ANGEL1: variants seen among roughly 807,000 people sequenced by gnomAD.
ANGEL1 encodes RNA 2',3'-cyclic phosphatase ANGEL1.
In ANGEL1, 62 loss-of-function variants were observed where a neutral mutation model predicts 76.4. The observed-to-expected ratio is 0.81, with a 90% CI of 0.66 to 1.00. ANGEL1 has a LOEUF of 1.00. Among genes scored for constraint, ANGEL1 ranks in the 50% least tolerant of loss-of-function variants. The pLI is 0.00. For missense variants in ANGEL1, 737 were observed against 836.7 expected, an observed-to-expected ratio of 0.88 and a Z score of 1.47; for synonymous variants, 340 against 331.7, an observed-to-expected ratio of 1.03 and a Z score of -0.27.
chr14:76,800,088 C>T (rs959530905), intron 7 of ANGEL1, among the ~76,000 whole-genome samples: 1 of 152,110 alleles, frequency 6.6e-6, no homozygotes, highest in Non-Finnish European at 1.5e-5. Flanking sequence ...GGCTACTTTG[C>T]CCCTATAGAA....
intron 1 of ANGEL1, among the ~76,000 whole-genome samples, chr14:76,811,733 C>T (rs924635520): frequency 2.0e-5 from 3 of 152,210 alleles, no homozygotes; most frequent in African/African-American, 7.2e-5. Flanking sequence ...CCTGAATTCA[C>T]TGAGTGCCTA....
At position 76,812,828 on chromosome 14, in the gene ANGEL1, G is replaced by A. The variant is rs959206390; in HGVS notation, c.-1C>T. ...GGTAACACAAGCACGACGCGATCAT[G>A]GCCGGCCGCCCGCGCCCGCCTCCGC... On this transcript the variant is annotated 5_prime_UTR_variant, in exon 1 of 10. Coordinates refer to ENST00000251089, the MANE Select transcript of ANGEL1 (RefSeq NM_015305.4). The A allele has an allele frequency of 1.1e-5, 16 of 1,511,804 alleles. No homozygotes were observed. Among genetic ancestry groups the A allele is most frequent in the Non-Finnish European group, 1.2e-5 (14 of 1,134,374 alleles). The allele number at this position is 1,511,804 out of a possible 1,614,324, so 93.6% of individuals were successfully genotyped here.
intron 1 of ANGEL1, chr14:76,809,984 T>C: frequency 2.6e-6 from 1 of 385,044 alleles, no homozygotes; most frequent in Non-Finnish European, 5.0e-6. Flanking sequence ...AAGACTACTA[T>C]TAACAAACTC....
rs1220569960 is a variant in ANGEL1, at chr14:76,789,167, C to T, written c.*61G>A. 4 of 1,574,876 alleles carry T rather than the reference C, an allele frequency of 2.5e-6. No homozygotes were observed. The highest frequency in any genetic ancestry group is 3.4e-6 in the Non-Finnish European group (4 of 1,161,278). On this transcript the variant is annotated 3_prime_UTR_variant, in exon 10 of 10. Transcript: ENST00000251089. ...AAGTTTCTAGATGCATGGGATTTTT[C>T]CACAGTCTCTGATCCAGTGAGCTCT...
At chr14:76,790,013 G>A (rs1337376078) in intron 9 of ANGEL1, among the ~76,000 whole-genome samples, 5 of 151,894 alleles carry the variant, frequency 3.3e-5, no homozygotes, top group African/African-American at 9.7e-5. Flanking sequence ...TACAGACACC[G>A]TCACCACACC....
At chr14:76,805,323 C>A (rs544925493) in intron 5 of ANGEL1, among the ~76,000 whole-genome samples, 1 of 152,178 alleles carries the variant, frequency 6.6e-6, no homozygotes, top group Non-Finnish European at 1.5e-5. Flanking sequence ...ATTCACTATG[C>A]CTAACAGTGC....
At chr14:76,803,940 A>C in intron 5 of ANGEL1, 28 bp from the exon 6 acceptor site, 1 of 1,614,206 alleles carries the variant, frequency 6.2e-7, no homozygotes, top group Non-Finnish European at 8.5e-7. Context: ...GGTGGGAATA[A>C]GGAAACCAAG....
At position 76,809,781 on chromosome 14, in the gene ANGEL1, C is replaced by G. The variant is rs923725615; in HGVS notation, c.65-138G>C. ...TTGTACCATCACTGAGCCTGCCTAC[C>G]TTAATGCCTGAACATCATCATCATC... is the stretch of plus-strand genomic sequence containing the variant. On this transcript the variant is annotated intron_variant, in intron 1 of 9. Coordinates refer to ENST00000251089, the MANE Select transcript of ANGEL1 (RefSeq NM_015305.4). The G allele has an allele frequency of 1.2e-5, 8 of 690,414 alleles. No individual in the cohort carries two copies. The African/African-American group carries it at 1.4e-4, about 12-fold the overall frequency. 42.8% of individuals were successfully genotyped at this position (690,414 alleles called of 1,614,324 possible).
rs1026251950 is a variant in ANGEL1 at position 76,812,608 on chromosome 14, C to T, written c.64+156G>A. Reference sequence around the variant, plus strand: ...GCCTCGTGGGGTCAGGAGGGGCCCGCGGGGCAGGGGCTCAGGACCGCCTCC... The same window carrying T: ...GCCTCGTGGGGTCAGGAGGGGCCCGTGGGGCAGGGGCTCAGGACCGCCTCC... On this transcript the variant is annotated intron_variant, in intron 1 of 9. Coordinates refer to ENST00000251089, the MANE Select transcript of ANGEL1 (RefSeq NM_015305.4). 4.0e-5 allele frequency: 52 copies of T among 1,300,890 alleles called. No individual in the cohort carries two copies. In the African/African-American group the frequency reaches 7.4e-4, roughly 19 times the overall value. 80.6% of individuals were successfully genotyped at this position (1,300,890 alleles called of 1,614,324 possible).
At position 76,788,540 on chromosome 14, in the gene ANGEL1, G is replaced by C. The variant is rs1894309527; in HGVS notation, c.*688C>G. ...CCCAAAATTTGCCACTCCAGGATGT[G>C]GGCCCCATTTGTTCCCAGAGCCCAG... On this transcript the variant is annotated 3_prime_UTR_variant, in exon 10 of 10. Transcript: ENST00000251089. 1 of 152,370 alleles carries C rather than the reference G, an allele frequency of 6.6e-6. No individual in the cohort carries two copies. Among genetic ancestry groups the C allele is most frequent in the African/African-American group, 2.4e-5 (1 of 41,472 alleles). The allele number at this position is 152,370 out of a possible 1,614,324, so 9.4% of individuals were successfully genotyped here.
In ANGEL1 at chr14:76,806,630, G is replaced by A; in HGVS notation, c.1166C>T (p.Ala389Val). The A allele has an allele frequency of 6.2e-7, 1 of 1,612,778 alleles. No individual in the cohort carries two copies. Among genetic ancestry groups the A allele is most frequent in the Non-Finnish European group, 8.5e-7 (1 of 1,179,666 alleles). ...TGGGTTGTAAAGGATATGGGTATTT[G>A]CCACACACAGCGGGGCCACCGAGAC... ...GQVSVAPLCV[A>V]NTHILYNPRR... The change falls in exon 5 of 10, where the codon GCA becomes GTA. Residue 389 changes from alanine to valine, a missense_variant. By Grantham distance (64) the Ala-to-Val change is moderately conservative. Coordinates refer to ENST00000251089, the MANE Select transcript of ANGEL1 (RefSeq NM_015305.4).
intron 7 of ANGEL1, among the ~76,000 whole-genome samples, chr14:76,797,671 T>C (rs1028689455): frequency 2.0e-5 from 3 of 152,240 alleles, no homozygotes; most frequent in Non-Finnish European, 4.4e-5. Flanking sequence ...ACTGACCAGA[T>C]AGCCTTAGCC....
At chr14:76,793,416 A>AGGGTAGGG (rs1894475564) in intron 7 of ANGEL1, among the ~76,000 whole-genome samples, 1 of 42,558 alleles carries the variant, frequency 2.3e-5, no homozygotes, top group Non-Finnish European at 5.0e-5. Flanking sequence ...ATAAAAGGAA[A>AGGGTAGGG]GAGGAGAGGG....
chr14:76,812,761 T>C lies in ANGEL1; in HGVS notation c.64+3A>G. On this transcript the variant is annotated splice_donor_region_variant and intron_variant, in intron 1 of 9. Coordinates refer to ENST00000251089, the MANE Select transcript of ANGEL1 (RefSeq NM_015305.4). ...CCTGTCTGTCGGTACGCCTGGCCGG[T>C]ACCTGAGAGGGCGCGGAAGAGGCGC... is the stretch of plus-strand genomic sequence containing the variant. 1.3e-6 allele frequency: 2 copies of C among 1,520,202 alleles called. No individual in the cohort carries two copies. Among genetic ancestry groups the C allele is most frequent in the Non-Finnish European group, 1.8e-6 (2 of 1,139,046 alleles). The allele number at this position is 1,520,202 out of a possible 1,614,324, so 94.2% of individuals were successfully genotyped here.
At position 76,806,824 on chromosome 14, in the gene ANGEL1, C is replaced by T; in HGVS notation, c.972G>A (p.Arg324=). 6.2e-7 allele frequency: 1 copy of T among 1,613,734 alleles called. No individual in the cohort carries two copies. Among genetic ancestry groups the T allele is most frequent in the Non-Finnish European group, 8.5e-7 (1 of 1,179,850 alleles). Residue 324 remains arginine, a synonymous_variant, in exon 5 of 10, where the codon AGG becomes AGA. Coordinates refer to ENST00000251089, the MANE Select transcript of ANGEL1 (RefSeq NM_015305.4). ...MMGFTCFYKR[R]TGCKTDGCAV... ...CACAGCCATCGGTTTTACACCCAGT[C>T]CTCCTCTTGTAGAAACAGGTAAAGC...
chr14:76,803,662 T>C, intron 6 of ANGEL1, 124 bp downstream of exon 6: 1 of 1,444,782 alleles, frequency 6.9e-7, no homozygotes, highest in Non-Finnish European at 9.4e-7. Flanking sequence ...GGGAGGATAG[T>C]GAGAAAACAG....
rs371781810 is a variant in ANGEL1, at chr14:76,791,185, A to T, written c.1688+112T>A. ...GTTTAGCAGATATTAGGGGAAAAAG[A>T]GCTTATCAAAAAGTGCTCCCCCAAG... On this transcript the variant is annotated intron_variant, in intron 8 of 9. Transcript: ENST00000251089. The T allele has an allele frequency of 1.6e-5, 18 of 1,154,412 alleles. No homozygotes were observed. In the East Asian group the frequency reaches 3.8e-4, roughly 24 times the overall value. 71.5% of individuals were successfully genotyped at this position (1,154,412 alleles called of 1,614,324 possible).
intron 5 of ANGEL1, among the ~76,000 whole-genome samples, chr14:76,805,468 G>C (rs190114972): frequency 3.8e-4 from 58 of 152,310 alleles, no homozygotes; most frequent in Non-Finnish European, 6.0e-4. Flanking sequence ...GTGCGCAACA[G>C]TAATACAATC....
intron 1 of ANGEL1, chr14:76,812,220 C>G: frequency 2.0e-6 from 2 of 984,832 alleles, no homozygotes; most frequent in Non-Finnish European, 2.4e-6. Flanking sequence ...CTAAATGTGT[C>G]TCTGATTGAA....
Sources: allele counts gnomAD v4.1 joint callset (sites outside exome capture counted in the v4.1 genomes callset), GRCh38; gene constraint gnomAD v4.1.1; transcripts MANE v1.5; gene names NCBI Gene and HGNC (gene_info 2026-07-23, HGNC 2026-07-21).